FYB1: variants seen among roughly 807,000 people sequenced by gnomAD.
FYB1 encodes the protein FYN binding protein 1, also known as FYN-binding protein 1.
A neutral mutation model predicts 94.1 loss-of-function variants in FYB1; 41 were observed. The observed-to-expected ratio is 0.44, with a 90% confidence interval of 0.34 to 0.57. The LOEUF is 0.57. Among genes scored for constraint, FYB1 ranks in the 20% least tolerant of loss-of-function variants. The pLI, the probability that FYB1 is intolerant of heterozygous loss-of-function variation, is 0.02. For missense variants in FYB1, 1,050 were observed against 976.8 expected (o/e 1.07, Z -1.00); for synonymous variants, 367 against 353.2 (o/e 1.04, Z -0.44).
chr5:39,221,794 C>T (rs1750274856), upstream of FYB1, among the ~76,000 whole-genome samples: 4 of 152,028 alleles, frequency 2.6e-5, no homozygotes, highest in South Asian at 4.1e-4. Context: ...GTCAGGAGTT[C>T]GAGACTAGCT....
intron 6 of FYB1, 145 bp from the exon 7 acceptor site, chr5:39,137,865 GA>G (rs1387601653): frequency 1.0e-6 from 1 of 991,958 alleles, no homozygotes; most frequent in Non-Finnish European, 1.5e-6. Flanking sequence ...TCAAAATCCG[GA>G]ATGTGTGAGA....
At chr5:39,212,121 C>A (rs939456614) in intron 1 of FYB1, among the ~76,000 whole-genome samples, 1 of 152,032 alleles carries the variant, frequency 6.6e-6, no homozygotes, top group Admixed American at 6.6e-5. Context: ...GCCTGGGCAA[C>A]AAAGCAAGAC....
chr5:39,196,294 C>T (rs1232753190), intron 2 of FYB1, among the ~76,000 whole-genome samples: 2 of 151,204 alleles, frequency 1.3e-5, no homozygotes, highest in Non-Finnish European at 2.9e-5. Context: ...CTGCAACCTC[C>T]ACCTCCTGGG....
chr5:39,219,469 G>C lies in FYB1; in HGVS notation c.-54C>G, dbSNP rs988443587. The C allele has an allele frequency of 1.0e-6, 1 of 985,412 alleles. No homozygotes were observed. The highest frequency in any genetic ancestry group is 6.1e-5 in the Admixed American group (1 of 16,268). The allele number at this position is 985,412 out of a possible 1,614,324, so 61.0% of individuals were successfully genotyped here. The stretch of plus-strand genomic sequence containing the variant: ...TGACTCCTGCAGAAGAAGGCGGAAG[G>C]ATGGCCTCCTTTAGTGGATCTTCCT... On this transcript the variant is annotated 5_prime_UTR_variant, in exon 1 of 19. In the 5' UTR this introduces an upstream ATG that the reference lacks. Coordinates refer to ENST00000512982, the MANE Select transcript of FYB1 (RefSeq NM_001465.6).
intron 2 of FYB1, chr5:39,170,233 CTGG>C: frequency 1.1e-6 from 1 of 938,020 alleles, no homozygotes; most frequent in Non-Finnish European, 1.7e-6. Flanking sequence ...TATGATGTTG[CTGG>C]TGGTGGTGTC....
chr5:39,108,905 C>A (rs1248139334), intron 17 of FYB1, among the ~76,000 whole-genome samples: 1 of 152,014 alleles, frequency 6.6e-6, no homozygotes, highest in East Asian at 1.9e-4. Flanking sequence ...GTGATATTTT[C>A]TATCCGACAA....
chr5:39,235,771 T>C (rs956858553), intron 1 of FYB1, among the ~76,000 whole-genome samples: 7 of 152,180 alleles, frequency 4.6e-5, no homozygotes, highest in Admixed American at 2.6e-4. Flanking sequence ...GCAGCTAATA[T>C]ATCATCAGCT....
intron 9 of FYB1, among the ~76,000 whole-genome samples, chr5:39,132,066 C>G (rs2150312018): frequency 6.6e-6 from 1 of 152,216 alleles, no homozygotes; most frequent in East Asian, 1.9e-4. Flanking sequence ...TTCAATGTTT[C>G]ATATTTACTG....
At chr5:39,157,038 A>C (rs1197341416) in intron 2 of FYB1, among the ~76,000 whole-genome samples, 1 of 152,142 alleles carries the variant, frequency 6.6e-6, no homozygotes, top group East Asian at 1.9e-4. Flanking sequence ...ATGTAATCTT[A>C]TTTATTCTGT....
chr5:39,124,313 C>T (rs1024713884), intron 12 of FYB1, 35 bp from the exon 13 acceptor site: 1 of 1,467,828 alleles, frequency 6.8e-7, no homozygotes, highest in African/African-American at 1.5e-5. Context: ...TATAATCAGA[C>T]TAACATGAAC....
At chr5:39,234,930 A>G (rs1052626895) in intron 1 of FYB1, among the ~76,000 whole-genome samples, 6 of 151,998 alleles carry the variant, frequency 3.9e-5, no homozygotes. Flanking sequence ...TAGAACAAAT[A>G]CCTAATGCAT....
At chr5:39,209,403 T>G (rs905349455) in intron 1 of FYB1, among the ~76,000 whole-genome samples, 1 of 151,838 alleles carries the variant, frequency 6.6e-6, no homozygotes, top group African/African-American at 2.4e-5. Flanking sequence ...CTTGGCTCAC[T>G]GCAATCTCTG....
At chr5:39,166,760 C>T (rs78888968) in intron 2 of FYB1, among the ~76,000 whole-genome samples, 3,024 of 151,826 alleles carry the variant, frequency 0.02, 100 homozygotes, top group African/African-American at 0.068. Context: ...TAAATATAGA[C>T]GCGGACATAG....
chr5:39,206,013 TTC>T (rs1467087945), intron 1 of FYB1, among the ~76,000 whole-genome samples: 4 of 152,216 alleles, frequency 2.6e-5, no homozygotes, highest in Non-Finnish European at 5.9e-5. Flanking sequence ...AAAACATTAT[TTC>T]TCTATGTGAC....
chr5:39,199,909 C>A (rs1257328816), intron 2 of FYB1, among the ~76,000 whole-genome samples: 1 of 152,104 alleles, frequency 6.6e-6, no homozygotes, highest in Non-Finnish European at 1.5e-5. Context: ...GGGTATTATT[C>A]AGAGTTTAAA....
At chr5:39,256,661 A>G (rs2150624340) in intron 1 of FYB1, among the ~76,000 whole-genome samples, 1 of 152,258 alleles carries the variant, frequency 6.6e-6, no homozygotes, top group Non-Finnish European at 1.5e-5. Context: ...TTGATGATTA[A>G]GACATAGTTT....
intron 2 of FYB1, among the ~76,000 whole-genome samples, chr5:39,189,917 C>G (rs1747207697): frequency 6.6e-6 from 1 of 152,184 alleles, no homozygotes; most frequent in African/African-American, 2.4e-5. Context: ...ATCCCCAAAC[C>G]CATCCAAGTT....
rs569965303 is a variant in FYB1, at chr5:39,115,970, T to C, written c.2401+2904A>G. On this transcript the variant is annotated intron_variant, in intron 16 of 18. Transcript: ENST00000512982. ...GGCTTCTGGAACTCTGTCAGCTTGC[T>C]GAATATCCTGAATTACTCCCTACCT... Among the ~76,000 whole-genome samples, 5 of 152,290 alleles carry C rather than the reference T, an allele frequency of 3.3e-5. No homozygotes were observed. In the East Asian group the frequency reaches 9.6e-4, roughly 29 times the overall value.
intron 2 of FYB1, among the ~76,000 whole-genome samples, chr5:39,166,360 C>G (rs1446061604): frequency 1.3e-5 from 2 of 151,856 alleles, no homozygotes; most frequent in Non-Finnish European, 2.9e-5. Flanking sequence ...AGCTTGAACC[C>G]AGGAGGTGGA....
Sources: gnomAD v4.1 joint callset for allele counts (sites outside exome capture counted in the v4.1 genomes callset) on GRCh38, gnomAD v4.1.1 for gene constraint, MANE v1.5 for transcripts, NCBI Gene and HGNC (gene_info 2026-07-23, HGNC 2026-07-21) for gene names.